SMOC2: variants seen among roughly 807,000 people sequenced by gnomAD.
SMOC2 encodes the protein SPARC-related modular calcium-binding protein 2.
A neutral mutation model predicts 61.4 loss-of-function variants in SMOC2; 39 were observed. That is an observed-to-expected ratio of 0.64 (90% confidence interval 0.49 to 0.83). The LOEUF (loss-of-function observed/expected upper bound fraction) is 0.83. Ranked by LOEUF, SMOC2 falls within the 40% of genes least tolerant of loss-of-function variation. The probability of loss-of-function intolerance (pLI) is 0.00; values close to 1 mark genes in which losing one functional copy is unlikely to be tolerated. For missense variants in SMOC2, 556 were observed against 592.9 expected (o/e 0.94, Z 0.65); for synonymous variants, 247 against 239.9 (o/e 1.03, Z -0.27).
intron 8 of SMOC2, among the ~76,000 whole-genome samples, chr6:168,601,846 G>A (rs982746842): frequency 2.0e-5 from 3 of 147,736 alleles, no homozygotes; most frequent in Non-Finnish European, 4.4e-5. Context: ...CCCGTCCATC[G>A]ATGCTGGTTT....
chr6:168,617,723 G>A (rs971272598), intron 9 of SMOC2, among the ~76,000 whole-genome samples: 1 of 152,218 alleles, frequency 6.6e-6, no homozygotes, highest in African/African-American at 2.4e-5. Flanking sequence ...GATCTGGCCT[G>A]TATTGCTTCC....
rs564822151 is a variant in SMOC2 at position 168,500,127 on chromosome 6, C to T, written c.85-9788C>T. ...TTCGAGGCCAGCCTGGGCAACATCC[C>T]AAAATACAAAAATTAGCTGGGCATG... is the stretch of plus-strand genomic sequence containing the variant. On this transcript the variant is annotated intron_variant, in intron 1 of 12. Coordinates refer to ENST00000356284, the MANE Select transcript of SMOC2 (RefSeq NM_001166412.2). 1.3e-3 allele frequency among the ~76,000 whole-genome samples: 193 copies of T among 151,476 alleles called. 2 individuals carry two copies. Among genetic ancestry groups the T allele is most frequent in the African/African-American group, 4.6e-3 (189 of 41,334 alleles).
chr6:168,523,079 A>ATTCTTTTTTTTTTT (rs551183247), intron 2 of SMOC2, among the ~76,000 whole-genome samples: 1,059 of 93,660 alleles, frequency 0.011, 325 homozygotes, highest in Non-Finnish European at 0.017. Flanking sequence ...TTGTACAGTA[A>ATTCTTTTTTTTTTT]TTTTTTTTTT....
At chr6:168,533,110 T>TC (rs1783651946) in intron 4 of SMOC2, among the ~76,000 whole-genome samples, 1 of 152,098 alleles carries the variant, frequency 6.6e-6, no homozygotes, top group Non-Finnish European at 1.5e-5. Flanking sequence ...CTGAATTTCC[T>TC]CCCCGCTCTA....
intron 1 of SMOC2, among the ~76,000 whole-genome samples, chr6:168,488,420 C>A (rs1367123378): frequency 6.6e-6 from 1 of 152,228 alleles, no homozygotes; most frequent in Non-Finnish European, 1.5e-5. Context: ...GACAGAAACT[C>A]ACTCAGTTCT....
In SMOC2 at chr6:168,518,749, ATG is replaced by A. The variant is rs202020602; in HGVS notation, c.257-7587_257-7586del. On this transcript the variant is annotated intron_variant, in intron 2 of 12. Coordinates refer to ENST00000356284, the MANE Select transcript of SMOC2 (RefSeq NM_001166412.2). Reference sequence around the variant, plus strand: ...TGAGTGTGCATGTGTGTGAATGTGCATGTGTGTGTGTTCATGTGCGTGTGTGC... The same window carrying A: ...TGAGTGTGCATGTGTGTGAATGTGCATGTGTGTGTTCATGTGCGTGTGTGC... Among the ~76,000 whole-genome samples the A allele has an allele frequency of 4.8e-3, 720 of 148,658 alleles. 4 individuals carry two copies. The highest frequency in any genetic ancestry group is 0.019 in the Middle Eastern group (5 of 270).
chr6:168,499,392 G>T (rs1308352822), intron 1 of SMOC2, among the ~76,000 whole-genome samples: 1 of 152,126 alleles, frequency 6.6e-6, no homozygotes, highest in Non-Finnish European at 1.5e-5. Flanking sequence ...CTTGTCACTG[G>T]GTAATCACTC....
intron 1 of SMOC2, among the ~76,000 whole-genome samples, chr6:168,454,132 C>T (rs1454578064): frequency 6.6e-6 from 1 of 152,178 alleles, no homozygotes; most frequent in Admixed American, 6.5e-5. Context: ...TCCCAGGCTC[C>T]ACCCAGTCCA....
At chr6:168,625,348 G>A (rs1039819220) in intron 9 of SMOC2, among the ~76,000 whole-genome samples, 5 of 152,226 alleles carry the variant, frequency 3.3e-5, no homozygotes, top group Non-Finnish European at 7.3e-5. Context: ...CAGCAGCTTC[G>A]ATGTGGGAAC....
chr6:168,613,866 C>T (rs1420085035), intron 9 of SMOC2, among the ~76,000 whole-genome samples: 2 of 102,962 alleles, frequency 1.9e-5, no homozygotes, highest in Non-Finnish European at 4.1e-5. Context: ...GGCCTCTTCA[C>T]ACCTACAGCC....
Position 168,595,668 on chromosome 6 carries a change from CA to C in SMOC2, c.638-3149del, listed in dbSNP as rs560200523. 8.7e-4 allele frequency among the ~76,000 whole-genome samples: 132 copies of C among 152,292 alleles called. 1 individual carries two copies. The highest frequency in any genetic ancestry group is 3.0e-3 in the African/African-American group (123 of 41,554). On this transcript the variant is annotated intron_variant, in intron 7 of 12. Transcript: ENST00000356284. The stretch of plus-strand genomic sequence containing the variant: ...ATTTCCCACATGCAGCCAGGTTTAT[CA>C]GGTAAAATTGCATGGGTTAACAGCC...
intron 2 of SMOC2, among the ~76,000 whole-genome samples, chr6:168,522,235 G>A (rs1403121507): frequency 1.3e-5 from 2 of 152,168 alleles, no homozygotes; most frequent in East Asian, 3.9e-4. Flanking sequence ...AAACACTTGT[G>A]TCTGTTGGCT....
At chr6:168,443,000 A>G (rs914457413) in intron 1 of SMOC2, among the ~76,000 whole-genome samples, 5 of 152,250 alleles carry the variant, frequency 3.3e-5, no homozygotes, top group Non-Finnish European at 7.3e-5. Context: ...AGACATAAAT[A>G]TACTCACGTA....
In SMOC2 at chr6:168,653,081, C is replaced by T. The variant is rs148539759; in HGVS notation, c.1138C>T (p.Arg380Cys). 20 of 1,614,030 alleles carry T rather than the reference C, an allele frequency of 1.2e-5. No homozygotes were observed. The African/African-American group carries it at 1.7e-4, about 14-fold the overall frequency. ...KEIKPFKRFL[R>C]KKSKPKKCVK... ...AATCAAACCCTTCAAGAGGTTCCTT[C>T]GCAAAAAATCAAAGCCCAAAAAATG... Residue 380 changes from arginine to cysteine, a missense_variant, in exon 11 of 13, where the codon CGC becomes TGC. Coordinates refer to ENST00000356284, the MANE Select transcript of SMOC2 (RefSeq NM_001166412.2).
chr6:168,566,479 C>CT (rs10553952), intron 7 of SMOC2, among the ~76,000 whole-genome samples: 27,424 of 117,670 alleles, frequency 0.23, 3,768 homozygotes, highest in African/African-American at 0.28. Flanking sequence ...TGTAGCACTT[C>CT]TTTTTTTTTT....
intron 4 of SMOC2, among the ~76,000 whole-genome samples, chr6:168,528,281 T>TG (rs1562329753): frequency 6.6e-6 from 1 of 150,622 alleles, no homozygotes; most frequent in African/African-American, 2.4e-5. Flanking sequence ...TTTTTTTTTT[T>TG]GCCAATAGTG....
At chr6:168,505,469 G>A (rs1782852128) in intron 1 of SMOC2, among the ~76,000 whole-genome samples, 1 of 151,664 alleles carries the variant, frequency 6.6e-6, no homozygotes, top group African/African-American at 2.4e-5. Context: ...TCTCTCAGAT[G>A]CCGGATGAAT....
At chr6:168,506,100 C>T (rs1281581620) in intron 1 of SMOC2, among the ~76,000 whole-genome samples, 3 of 152,086 alleles carry the variant, frequency 2.0e-5, no homozygotes, top group Admixed American at 6.5e-5. Context: ...TCCCATTCCC[C>T]GGGCTCAAGT....
intron 9 of SMOC2, among the ~76,000 whole-genome samples, chr6:168,625,729 G>T (rs1191609578): frequency 6.6e-6 from 1 of 152,176 alleles, no homozygotes; most frequent in Non-Finnish European, 1.5e-5. Flanking sequence ...TGGGCCCCAG[G>T]AGCAAATGAA....
Sources: gnomAD v4.1 joint callset for allele counts (sites outside exome capture counted in the v4.1 genomes callset) on GRCh38, gnomAD v4.1.1 for gene constraint, MANE v1.5 for transcripts, NCBI Gene and HGNC (gene_info 2026-07-23, HGNC 2026-07-21) for gene names.